CLIC2: variants seen among roughly 807,000 people sequenced by gnomAD.
The protein encoded by CLIC2 is CLIC family member 2, also known as chloride intracellular channel protein 2.
Under a neutral mutation model 14.8 loss-of-function variants are expected in CLIC2, and 9 were observed. That is an observed-to-expected ratio of 0.61 (90% CI 0.37 to 1.06). The LOEUF (loss-of-function observed/expected upper bound fraction) is 1.06. CLIC2 is among the 50% of genes least tolerant of loss of function. The pLI is 0.01. For missense variants in CLIC2, 148 were observed against 181.4 expected (o/e 0.82, Z 1.06); for synonymous variants, 61 against 66.3 (o/e 0.92, Z 0.39).
chrX:155,297,856 GT>G (rs2074998457), intron 3 of CLIC2, among the ~76,000 whole-genome samples: 1 of 9,504 alleles, frequency 1.1e-4, no homozygotes, highest in Non-Finnish European at 3.6e-4. Context: ...CGAGACTCCG[GT>G]CTCAAAAAAA....
chrX:155,296,975 C>T (rs782337312), intron 3 of CLIC2, among the ~76,000 whole-genome samples: 101 of 111,705 alleles, frequency 9.0e-4, no homozygotes, highest in African/African-American at 3.0e-3. Flanking sequence ...ATCCAAAGCA[C>T]GAGAAATCAG....
At chrX:155,327,287 G>A (rs1279365897) in intron 1 of CLIC2, among the ~76,000 whole-genome samples, 1 of 111,066 alleles carries the variant, frequency 9.0e-6, no homozygotes, top group Non-Finnish European at 1.9e-5. Flanking sequence ...TGTATTAAAA[G>A]TAATGGCAAA....
rs1557316259 is a variant in CLIC2, at chrX:155,280,049, T to C, written c.313A>G (p.Lys105Glu). 2.5e-6 allele frequency: 3 copies of C among 1,202,672 alleles called. No homozygotes were observed. The highest frequency in any genetic ancestry group is 2.3e-6 in the Non-Finnish European group (2 of 887,186). ...CCCACATCAAAAGACTCCTTGTACTTGGGACTCAGGTGAGGGTACCTTAAA... is the reference window on the plus strand; with the variant it reads ...CCCACATCAAAAGACTCCTTGTACTCGGGACTCAGGTGAGGGTACCTTAAA... ...APPRYPHLSP[K>E]YKESFDVGCN... Residue 105 changes from lysine to glutamate, a missense_variant, in exon 4 of 6, where the codon AAG becomes GAG. Physicochemically the swap from Lys to Glu is moderately conservative, Grantham distance 56 (BLOSUM62 1). Transcript: ENST00000369449.
intron 1 of CLIC2, among the ~76,000 whole-genome samples, chrX:155,305,587 C>T (rs2075052580): frequency 8.9e-6 from 1 of 112,661 alleles, no homozygotes; most frequent in Non-Finnish European, 1.9e-5. Context: ...ATTCGGCCAT[C>T]TTGGCTCCTC....
At chrX:155,317,405 A>C (rs1557321180) in intron 1 of CLIC2, among the ~76,000 whole-genome samples, 1 of 112,012 alleles carries the variant, frequency 8.9e-6, no homozygotes, top group East Asian at 2.8e-4. Context: ...AATACAAAAA[A>C]ATTATTTAAG....
intron 3 of CLIC2, among the ~76,000 whole-genome samples, chrX:155,288,692 T>TA: frequency 8.9e-6 from 1 of 111,912 alleles, no homozygotes; most frequent in Non-Finnish European, 1.9e-5. Context: ...CATGTTTAAA[T>TA]ACTATAGTCT....
chrX:155,302,187 C>T (rs367741869), intron 1 of CLIC2, among the ~76,000 whole-genome samples: 68 of 107,223 alleles, frequency 6.3e-4, no homozygotes, highest in Non-Finnish European at 1.0e-3. Context: ...TGGTAGAATT[C>T]GGCTGTGAAT....
intron 1 of CLIC2, among the ~76,000 whole-genome samples, chrX:155,302,494 C>G (rs1251305054): frequency 9.8e-6 from 1 of 101,551 alleles, no homozygotes; most frequent in Non-Finnish European, 2.0e-5. Flanking sequence ...GTCTTGCTAG[C>G]GGTCTATCAA....
At chrX:155,290,281 G>T in intron 3 of CLIC2, 1 of 222,036 alleles carries the variant, frequency 4.5e-6, no homozygotes, top group South Asian at 1.3e-4. Context: ...TATCAACATG[G>T]AATGATTTCA....
At chrX:155,295,103 A>G (rs2074987792) in intron 3 of CLIC2, among the ~76,000 whole-genome samples, 1 of 111,878 alleles carries the variant, frequency 8.9e-6, no homozygotes, top group Non-Finnish European at 1.9e-5. Flanking sequence ...ATGAACATAG[A>G]TACAAAAACT....
chrX:155,312,379 A>G (rs1047215994), intron 1 of CLIC2, among the ~76,000 whole-genome samples: 21 of 112,125 alleles, frequency 1.9e-4, no homozygotes, highest in African/African-American at 6.8e-4. Context: ...AACCTCCTGC[A>G]TAGGGCTAGC....
intron 1 of CLIC2, among the ~76,000 whole-genome samples, chrX:155,319,126 A>C (rs2075104586): frequency 8.9e-6 from 1 of 112,238 alleles, no homozygotes; most frequent in African/African-American, 3.2e-5. Flanking sequence ...AACATTGGAA[A>C]ATCTCTTCTA....
intron 1 of CLIC2, among the ~76,000 whole-genome samples, chrX:155,311,067 A>C (rs1200566321): frequency 9.0e-6 from 1 of 111,666 alleles, no homozygotes; most frequent in Non-Finnish European, 1.9e-5. Context: ...CTGCCACAAA[A>C]GTCTCTGACA....
At chrX:155,307,268 T>C (rs1557320115) in intron 1 of CLIC2, among the ~76,000 whole-genome samples, 1 of 111,082 alleles carries the variant, frequency 9.0e-6, no homozygotes, top group South Asian at 3.8e-4. Flanking sequence ...CCTGAGGAAG[T>C]AGCATTTAAA....
chrX:155,293,279 C>T, intron 3 of CLIC2: 1 of 1,000,049 alleles, frequency 1.0e-6, no homozygotes, highest in Non-Finnish European at 1.4e-6. Flanking sequence ...TCTGTACTGT[C>T]CAACTCAGTT....
chrX:155,317,993 C>G lies in CLIC2; in HGVS notation c.57+16378G>C, dbSNP rs782411735. Among the ~76,000 whole-genome samples, 17 of 111,561 alleles carry G rather than the reference C, an allele frequency of 1.5e-4. No individual in the cohort carries two copies. The South Asian group carries it at 6.4e-3, about 42-fold the overall frequency. The stretch of plus-strand genomic sequence containing the variant: ...CAATAGATACATAAAAAGCATTCGA[C>G]AAAATCCAGCATCTCTTTATGATTA... On this transcript the variant is annotated intron_variant, in intron 1 of 5. Transcript: ENST00000369449.
chrX:155,312,155 G>T (rs781934547), intron 1 of CLIC2, among the ~76,000 whole-genome samples: 1 of 112,085 alleles, frequency 8.9e-6, no homozygotes, highest in African/African-American at 3.2e-5. Flanking sequence ...CTGTGTAGGA[G>T]CTCTTAAGTT....
intron 3 of CLIC2, chrX:155,292,609 A>C (rs2074973846): frequency 7.2e-6 from 2 of 278,086 alleles, no homozygotes; most frequent in Non-Finnish European, 1.3e-5. Flanking sequence ...TCTCTACTAA[A>C]AATACAAAAA....
chrX:155,305,096 G>T (rs1343209541), intron 1 of CLIC2, among the ~76,000 whole-genome samples: 2 of 112,331 alleles, frequency 1.8e-5, no homozygotes, highest in Non-Finnish European at 3.8e-5. Flanking sequence ...TTTGAGCTGT[G>T]GTGGGCTCCA....
Sources: gnomAD v4.1 joint callset for allele counts (sites outside exome capture counted in the v4.1 genomes callset) on GRCh38, gnomAD v4.1.1 for gene constraint, MANE v1.5 for transcripts, NCBI Gene and HGNC (gene_info 2026-07-23, HGNC 2026-07-21) for gene names.